CHN1: variants seen among roughly 807,000 people sequenced by gnomAD.
The protein encoded by CHN1 is chimerin 1, also known as N-chimaerin.
CHN1 carries 37 observed loss-of-function variants against 59.5 expected under a neutral mutation model. The observed-to-expected ratio is 0.62, with a 90% CI of 0.48 to 0.82. The LOEUF is 0.82. CHN1 is among the 40% of genes least tolerant of loss of function. CHN1 has a pLI of 0.00. For synonymous variants in CHN1, 206 were observed against 200.4 expected, an observed-to-expected ratio of 1.03 and a Z score of -0.24; for missense variants, 469 against 571.0, an observed-to-expected ratio of 0.82 and a Z score of 1.82.
At chr2:174,850,095 A>G (rs1309196375) in intron 6 of CHN1, among the ~76,000 whole-genome samples, 1 of 152,206 alleles carries the variant, frequency 6.6e-6, no homozygotes, top group Non-Finnish European at 1.5e-5. Context: ...CTCAATTCAA[A>G]CACCCCCTCC....
intron 7 of CHN1, among the ~76,000 whole-genome samples, chr2:174,844,017 A>G (rs1488254302): frequency 6.6e-6 from 1 of 151,926 alleles, no homozygotes; most frequent in Non-Finnish European, 1.5e-5. Flanking sequence ...AGGATGAGGT[A>G]GCTCTTAAAA....
intron 7 of CHN1, among the ~76,000 whole-genome samples, chr2:174,835,866 T>C (rs1435645920): frequency 1.3e-5 from 2 of 152,186 alleles, no homozygotes; most frequent in Non-Finnish European, 2.9e-5. Flanking sequence ...CTTCTTTCTG[T>C]TTCTACTAGT....
intron 1 of CHN1, among the ~76,000 whole-genome samples, chr2:174,996,949 C>T (rs1015067444): frequency 6.6e-6 from 1 of 152,192 alleles, no homozygotes; most frequent in African/African-American, 2.4e-5. Flanking sequence ...GGCCTACCCC[C>T]TCTCCCCCGA....
In CHN1 at chr2:174,858,979, T is replaced by TACACACACACACACACAC. The variant is rs71407155; in HGVS notation, c.550-12040_550-12023dup. ...AATCTACCATGCTGATTTCCTCCTC[T>TACACACACACACACACAC]ACACACACACACACACACACACACA... On this transcript the variant is annotated intron_variant, in intron 6 of 12. Transcript: ENST00000409900. 6.1e-3 allele frequency among the ~76,000 whole-genome samples: 875 copies of TACACACACACACACACAC among 142,450 alleles called. 7 individuals are homozygous for TACACACACACACACACAC. Among genetic ancestry groups the TACACACACACACACACAC allele is most frequent in the African/African-American group, 0.02 (776 of 37,968 alleles). 93.5% of individuals were successfully genotyped at this position (142,450 alleles called of 152,430 possible).
intron 10 of CHN1, among the ~76,000 whole-genome samples, chr2:174,809,948 T>C (rs1297213557): frequency 1.3e-5 from 2 of 152,178 alleles, no homozygotes; most frequent in Non-Finnish European, 2.9e-5. Flanking sequence ...GACCTCAGAA[T>C]AGTCAGCTTT....
At chr2:174,871,852 G>A (rs939102446) in intron 6 of CHN1, among the ~76,000 whole-genome samples, 5 of 152,164 alleles carry the variant, frequency 3.3e-5, no homozygotes, top group Non-Finnish European at 5.9e-5. Flanking sequence ...CCAGACCCTA[G>A]CCTGTTTCCT....
At chr2:174,998,982 T>A (rs1279878357) in intron 1 of CHN1, among the ~76,000 whole-genome samples, 1 of 152,204 alleles carries the variant, frequency 6.6e-6, no homozygotes, top group Non-Finnish European at 1.5e-5. Flanking sequence ...TGGTTTTTAG[T>A]GTATTCACAA....
intron 5 of CHN1, among the ~76,000 whole-genome samples, chr2:174,890,399 T>C (rs375702872): frequency 6.6e-6 from 1 of 152,130 alleles, no homozygotes; most frequent in African/African-American, 2.4e-5. Context: ...TATAAGGCTA[T>C]AGGCACTTAG....
At chr2:174,872,445 G>T (rs1687437937) in intron 6 of CHN1, among the ~76,000 whole-genome samples, 1 of 152,142 alleles carries the variant, frequency 6.6e-6, no homozygotes, top group African/African-American at 2.4e-5. Context: ...TTTAATAAAA[G>T]TTCACTGAGA....
chr2:174,852,841 T>C (rs993511644), intron 6 of CHN1, among the ~76,000 whole-genome samples: 2 of 152,116 alleles, frequency 1.3e-5, no homozygotes, highest in Non-Finnish European at 2.9e-5. Context: ...AAGGACTCCC[T>C]AAGAAACAAG....
chr2:174,820,328 C>T (rs1426582589), intron 8 of CHN1, among the ~76,000 whole-genome samples: 6 of 152,180 alleles, frequency 3.9e-5, no homozygotes, highest in African/African-American at 7.2e-5. Context: ...TCTCCAGCAC[C>T]TGTTGTTTCC....
intron 3 of CHN1, among the ~76,000 whole-genome samples, chr2:174,929,709 C>T (rs1689278538): frequency 1.3e-5 from 2 of 152,248 alleles, no homozygotes; most frequent in Admixed American, 6.5e-5. Flanking sequence ...TTTCATAATT[C>T]AAACTTCTTT....
At chr2:174,987,092 C>T (rs1007002712) in intron 1 of CHN1, among the ~76,000 whole-genome samples, 1 of 152,142 alleles carries the variant, frequency 6.6e-6, no homozygotes, top group South Asian at 2.1e-4. Context: ...TGTAAGAATA[C>T]AGTATACAAT....
chr2:174,976,278 C>T (rs766494966), intron 1 of CHN1, among the ~76,000 whole-genome samples: 8 of 151,862 alleles, frequency 5.3e-5, no homozygotes. Flanking sequence ...ATAAATTTCA[C>T]CCAGGCTGGA....
At chr2:174,997,028 C>T (rs1429931478) in intron 1 of CHN1, among the ~76,000 whole-genome samples, 1 of 152,204 alleles carries the variant, frequency 6.6e-6, no homozygotes, top group East Asian at 1.9e-4. Flanking sequence ...TGCCACCTGG[C>T]ACATTATACA....
intron 6 of CHN1, among the ~76,000 whole-genome samples, chr2:174,858,812 A>G (rs1007704551): frequency 1.2e-4 from 19 of 152,062 alleles, no homozygotes; most frequent in African/African-American, 4.6e-4. Flanking sequence ...GATTTGAGGC[A>G]TCTGTACAAG....
chr2:174,885,291 A>AT lies in CHN1; in HGVS notation c.261-7164_261-7163insA, dbSNP rs1304934786. Among the ~76,000 whole-genome samples the AT allele has an allele frequency of 3.1e-3, 457 of 149,728 alleles. 1 individual carries two copies. Among genetic ancestry groups the AT allele is most frequent in the African/African-American group, 0.01 (408 of 40,624 alleles). On this transcript the variant is annotated intron_variant, in intron 5 of 12. Transcript: ENST00000409900. Reference sequence around the variant, plus strand: ...CTCGGTCTCAAAAAAAAGAAAAAAAAATATATATATATAGAGAGAGAGAAA... The same window carrying AT: ...CTCGGTCTCAAAAAAAAGAAAAAAAATATATATATATATAGAGAGAGAGAAA...
At chr2:174,898,813 T>C (rs1688297893) in intron 5 of CHN1, among the ~76,000 whole-genome samples, 3 of 152,200 alleles carry the variant, frequency 2.0e-5, no homozygotes, top group Non-Finnish European at 4.4e-5. Context: ...AATTCTTGTC[T>C]AAGAATTCTA....
chr2:174,828,714 T>C (rs1434665809), intron 7 of CHN1, among the ~76,000 whole-genome samples: 2 of 152,186 alleles, frequency 1.3e-5, no homozygotes, highest in Non-Finnish European at 2.9e-5. Flanking sequence ...TTGAAGACTA[T>C]TTGTGTGTTG....
Sources: gnomAD v4.1 joint callset for allele counts (sites outside exome capture counted in the v4.1 genomes callset) on GRCh38, gnomAD v4.1.1 for gene constraint, MANE v1.5 for transcripts, NCBI Gene and HGNC (gene_info 2026-07-23, HGNC 2026-07-21) for gene names.